The following SCN10A variants were observed in gnomAD, a reference collection of about 807,000 sequenced individuals.
SCN10A encodes sodium channel protein type 10 subunit alpha.
SCN10A carries 162 observed loss-of-function variants against 170.7 expected under a neutral mutation model. The observed-to-expected ratio is 0.95, with a 90% CI of 0.84 to 1.08. The LOEUF is 1.08. SCN10A is among the 50% of genes least tolerant of loss of function. SCN10A has a pLI of 0.00. For synonymous variants in SCN10A, 985 were observed against 904.6 expected (o/e 1.09, Z -1.59); for missense variants, 2,527 against 2,436.9 (o/e 1.04, Z -0.78).
intron 1 of SCN10A, among the ~76,000 whole-genome samples, chr3:38,796,779 T>C (rs993773128): frequency 2.0e-5 from 3 of 152,166 alleles, no homozygotes; most frequent in Non-Finnish European, 2.9e-5. Context: ...TCCTGTTTCA[T>C]GTTCCCATAA....
Position 38,793,808 on chromosome 3 carries a change from C to T in SCN10A, c.203G>A (p.Gly68Asp), listed in dbSNP as rs1227118356. 4 of 1,613,802 alleles carry T rather than the reference C, an allele frequency of 2.5e-6. No homozygotes were observed. In the South Asian group the frequency reaches 3.3e-5, roughly 13 times the overall value. ...KACNQLPKFY[G>D]ELPAELIGEP... ...CCCGATCAGTTCTGCTGGGAGCTCA[C>T]CATAGAACTTGGGCAGCTGGTTGCA... Residue 68 changes from glycine to aspartate, a missense_variant, in exon 2 of 28, where the codon GGT (glycine) becomes GAT (aspartate). Physicochemically the swap from Gly to Asp is moderately conservative, Grantham distance 94. Transcript: ENST00000449082.
chr3:38,761,833 TGTGTGAGA>T (rs1444824536), intron 6 of SCN10A, among the ~76,000 whole-genome samples: 1 of 133,968 alleles, frequency 7.5e-6, no homozygotes, highest in African/African-American at 3.4e-5. Context: ...TGTGTGTGTG[TGTGTGAGA>T]GAGAGAGAGA....
chr3:38,710,034 T>G (rs2063255278), intron 24 of SCN10A, among the ~76,000 whole-genome samples: 2 of 152,078 alleles, frequency 1.3e-5, no homozygotes. Context: ...ATACAGAGAA[T>G]CAGAAGTGCA....
At chr3:38,792,737 C>A (rs909807083) in intron 2 of SCN10A, among the ~76,000 whole-genome samples, 1 of 129,140 alleles carries the variant, frequency 7.7e-6, no homozygotes, top group Non-Finnish European at 1.6e-5. Context: ...TCCTAACTCC[C>A]AAACATGCAT....
intron 8 of SCN10A, among the ~76,000 whole-genome samples, chr3:38,758,786 C>T (rs1217031698): frequency 6.6e-6 from 1 of 152,166 alleles, no homozygotes; most frequent in African/African-American, 2.4e-5. Flanking sequence ...CTGGCTGGCA[C>T]CTGCCCAATA....
At chr3:38,747,914 T>C (rs2063708118) in intron 13 of SCN10A, among the ~76,000 whole-genome samples, 1 of 152,218 alleles carries the variant, frequency 6.6e-6, no homozygotes, top group South Asian at 2.1e-4. Flanking sequence ...TATCTGAATA[T>C]CTATTCATCT....
chr3:38,750,586 G>A (rs946838560), intron 12 of SCN10A, among the ~76,000 whole-genome samples: 1 of 152,184 alleles, frequency 6.6e-6, no homozygotes, highest in Non-Finnish European at 1.5e-5. Flanking sequence ...GTATAAAAAT[G>A]TAGGCACTTT....
At chr3:38,725,899 G>A (rs955041202) in intron 17 of SCN10A, among the ~76,000 whole-genome samples, 4 of 152,330 alleles carry the variant, frequency 2.6e-5, no homozygotes, top group African/African-American at 9.6e-5. Context: ...CTGCAGGGAA[G>A]AAGGCTATGG....
In SCN10A at chr3:38,739,599, A is replaced by G. The variant is rs2063608514; in HGVS notation, c.2196T>C (p.Phe732=). 5 of 1,614,070 alleles carry G rather than the reference A, an allele frequency of 3.1e-6. No individual in the cohort carries two copies. The highest frequency in any genetic ancestry group is 4.2e-6 in the Non-Finnish European group (5 of 1,180,006). ...GACTCACAGTGACGATGATGCAGTC[A>G]AAGATATTCCACTTCTTCTGGAAAT... ...YYYFQKKWNI[F]DCIIVTVSLL... The change falls in exon 15 of 28, where the codon TTT becomes TTC. Residue 732 remains phenylalanine (F), a synonymous_variant. Transcript: ENST00000449082.
At chr3:38,754,337 A>G (rs531174002) in intron 11 of SCN10A, among the ~76,000 whole-genome samples, 16 of 152,218 alleles carry the variant, frequency 1.1e-4, no homozygotes, top group Non-Finnish European at 2.1e-4. Context: ...AGCTGTGTTT[A>G]TATCTGCCTC....
intron 4 of SCN10A, 87 bp from the exon 5 acceptor site, chr3:38,771,494 C>A (rs1024052240): frequency 6.4e-5 from 86 of 1,345,216 alleles, no homozygotes; most frequent in Non-Finnish European, 8.3e-5. Context: ...GGATGACCTG[C>A]TCTGACTGCT....
intron 4 of SCN10A, among the ~76,000 whole-genome samples, chr3:38,779,455 A>G (rs1306387016): frequency 6.6e-6 from 1 of 152,060 alleles, no homozygotes; most frequent in African/African-American, 2.4e-5. Flanking sequence ...ATTTTTTAGT[A>G]TAAAGGTCTT....
At chr3:38,720,812 G>A (rs2063382087) in intron 20 of SCN10A, among the ~76,000 whole-genome samples, 1 of 152,174 alleles carries the variant, frequency 6.6e-6, no homozygotes, top group South Asian at 2.1e-4. Flanking sequence ...AGTGAGGAGA[G>A]CACCTGGCCA....
intron 16 of SCN10A, 75 bp from the exon 17 acceptor site, chr3:38,727,127 C>T: frequency 7.0e-7 from 1 of 1,430,180 alleles, no homozygotes; most frequent in Admixed American, 1.8e-5. Context: ...GGGTTAGCAG[C>T]TGGCTGGCAA....
In SCN10A at chr3:38,701,845, T is replaced by C. The variant is rs1211413207; in HGVS notation, c.4651A>G (p.Ile1551Val). 1 of 1,602,600 alleles carries C rather than the reference T, an allele frequency of 6.2e-7. No homozygotes were observed. Among genetic ancestry groups the C allele is most frequent in the Admixed American group, 1.7e-5 (1 of 59,008 alleles). ...CACGTGGCTGCCCACTTACTCGCAA[T>C]GGAGAGAACCACCACAATGAAGTCA... ...VFDFIVVVLS[I>V]ASLIFSAILK... Residue 1551 changes from isoleucine to valine, a missense_variant, in exon 27 of 28, where the codon ATT (isoleucine) becomes GTT (valine). Physicochemically the swap from Ile to Val is conservative, Grantham distance 29 (BLOSUM62 3). Coordinates refer to ENST00000449082, the MANE Select transcript of SCN10A (RefSeq NM_006514.4).
intron 1 of SCN10A, among the ~76,000 whole-genome samples, chr3:38,805,814 CT>C (rs2064401467): frequency 6.6e-6 from 1 of 152,134 alleles, no homozygotes; most frequent in Non-Finnish European, 1.5e-5. Context: ...CCTGAGTTGC[CT>C]CTGATAACAA....
chr3:38,697,809 A>T lies in SCN10A; in HGVS notation c.5411T>A (p.Leu1804His). Residue 1804 changes from leucine (L) to histidine (H), a missense_variant, in exon 28 of 28, where the codon CTT becomes CAT. Transcript: ENST00000449082. Reference protein sequence around the residue: ...PGDKIHCLDILFAFTKNVLGE... With the variant: ...PGDKIHCLDIHFAFTKNVLGE... ...TAGGACATTCTTGGTGAAAGCAAAA[A>T]GGATGTCCAAGCAGTGGATCTTATC... 6.2e-7 allele frequency: 1 copy of T among 1,614,204 alleles called. No homozygotes were observed. The highest frequency in any genetic ancestry group is 8.5e-7 in the Non-Finnish European group (1 of 1,180,030).
chr3:38,713,720 C>T (rs1175000890), intron 22 of SCN10A, among the ~76,000 whole-genome samples: 1 of 152,082 alleles, frequency 6.6e-6, no homozygotes, highest in Non-Finnish European at 1.5e-5. Flanking sequence ...GAGGCGGAGT[C>T]TCGCTCTGTC....
At chr3:38,739,490 C>T (rs1462188892) in intron 15 of SCN10A, 25 bp downstream of exon 15, 1 of 1,605,680 alleles carries the variant, frequency 6.2e-7, no homozygotes, top group Admixed American at 1.7e-5. Context: ...GGAGTTTCCC[C>T]AAGCCATCAA....
Sources: allele counts gnomAD v4.1 joint callset (sites outside exome capture counted in the v4.1 genomes callset), GRCh38; gene constraint gnomAD v4.1.1; transcripts MANE v1.5; gene names NCBI Gene and HGNC (gene_info 2026-07-23, HGNC 2026-07-21).